Variants in ADGRV1 observed in about 807,000 individuals in gnomAD.
ADGRV1 encodes adhesion G protein-coupled receptor V1.
In ADGRV1, 359 loss-of-function variants were observed where a neutral mutation model predicts 596.2. The observed-to-expected ratio is 0.60, with a 90% CI of 0.55 to 0.66. The LOEUF (loss-of-function observed/expected upper bound fraction) is 0.66. ADGRV1 is among the 30% of genes least tolerant of loss of function. ADGRV1 has a pLI of 0.00. For synonymous variants in ADGRV1, 2,681 were observed against 2,679.2 expected (o/e 1.00, Z -0.02); for missense variants, 7,274 against 7,575.6 (o/e 0.96, Z 1.48).
intron 85 of ADGRV1, among the ~76,000 whole-genome samples, chr5:91,039,823 T>A (rs1785193137): frequency 6.6e-6 from 1 of 152,146 alleles, no homozygotes; most frequent in East Asian, 1.9e-4. Context: ...AATCAGCAGG[T>A]GTCAAGTTTT....
At chr5:90,781,669 G>T in intron 65 of ADGRV1, 91 bp downstream of exon 65, 2 of 1,205,346 alleles carry the variant, frequency 1.7e-6, no homozygotes, top group Non-Finnish European at 2.3e-6. Context: ...GTTTTAGTTT[G>T]GTGTGGGTGT....
At chr5:90,589,740 G>T (rs1235613059) in intron 1 of ADGRV1, among the ~76,000 whole-genome samples, 1 of 152,156 alleles carries the variant, frequency 6.6e-6, no homozygotes, top group Non-Finnish European at 1.5e-5. Context: ...GGTGTTAAAT[G>T]ATCTTAGTTT....
intron 1 of ADGRV1, among the ~76,000 whole-genome samples, chr5:90,581,717 A>C (rs990123303): frequency 1.3e-5 from 2 of 152,174 alleles, no homozygotes; most frequent in African/African-American, 4.8e-5. Flanking sequence ...CCACTTAAGG[A>C]GGCAGTTTGT....
intron 1 of ADGRV1, among the ~76,000 whole-genome samples, chr5:90,581,452 A>C (rs181412907): frequency 2.0e-3 from 302 of 152,210 alleles, no homozygotes; most frequent in Non-Finnish European, 3.6e-3. Flanking sequence ...TGTGGATGTC[A>C]TTTTTGTTGA....
At chr5:91,099,953 A>G (rs376554988) in intron 86 of ADGRV1, among the ~76,000 whole-genome samples, 5 of 152,210 alleles carry the variant, frequency 3.3e-5, no homozygotes, top group East Asian at 1.9e-4. Flanking sequence ...CTAGCCCCAG[A>G]TCACAGTTTC....
At chr5:90,874,878 A>C (rs141192580) in intron 83 of ADGRV1, among the ~76,000 whole-genome samples, 499 of 152,250 alleles carry the variant, frequency 3.3e-3, no homozygotes, top group African/African-American at 0.01. Context: ...AAAACAAAAA[A>C]CAACCTGGTT....
chr5:90,704,545 A>G (rs1748345960), intron 36 of ADGRV1, 57 bp downstream of exon 36: 18 of 1,050,260 alleles, frequency 1.7e-5, no homozygotes, highest in Middle Eastern at 2.6e-4. Flanking sequence ...AAAAGAAAGA[A>G]AATTGTTATC....
chr5:90,831,580 C>T (rs1199705844), intron 77 of ADGRV1, among the ~76,000 whole-genome samples: 2 of 151,988 alleles, frequency 1.3e-5, no homozygotes, highest in Admixed American at 6.6e-5. Context: ...TTCAATTATA[C>T]TTTTTTAGTT....
intron 50 of ADGRV1, among the ~76,000 whole-genome samples, chr5:90,734,708 C>T (rs948040194): frequency 2.6e-5 from 4 of 151,812 alleles, no homozygotes; most frequent in African/African-American, 9.7e-5. Context: ...GCCTCAGCCT[C>T]CCGAGTAGCT....
intron 87 of ADGRV1, among the ~76,000 whole-genome samples, chr5:91,106,178 T>C (rs1791857263): frequency 6.6e-6 from 1 of 152,118 alleles, no homozygotes; most frequent in Non-Finnish European, 1.5e-5. Flanking sequence ...TTCTTTTGCA[T>C]GTGGACATCC....
chr5:90,566,923 A>G (rs1359787401), intron 1 of ADGRV1, among the ~76,000 whole-genome samples: 1 of 152,178 alleles, frequency 6.6e-6, no homozygotes, highest in African/African-American at 2.4e-5. Context: ...TTGGTCTTTC[A>G]GCATTAAGTA....
Position 90,783,298 on chromosome 5 carries a change from A to G in ADGRV1, c.13406A>G (p.Asn4469Ser). Residue 4469 changes from asparagine to serine, a missense_variant, in exon 66 of 90, where the codon AAT (asparagine) becomes AGT (serine). By Grantham distance (46) the Asn-to-Ser change is conservative. Around this residue, in one of 5 missense-constraint regions of ADGRV1, gnomAD observed 3,643 missense variants for 3,809.2 expected, o/e 0.96. Transcript: ENST00000405460. ...CATGGGCAAAACTTAAGTTTTATAA[A>G]TATCTCCATCATTGATGACAATGAA... is the stretch of plus-strand genomic sequence containing the variant. ...FQHGQNLSFI[N>S]ISIIDDNESE... The G allele has an allele frequency of 6.2e-7, 1 of 1,612,502 alleles. No homozygotes were observed. Among genetic ancestry groups the G allele is most frequent in the Non-Finnish European group, 8.5e-7 (1 of 1,178,734 alleles).
At chr5:90,845,689 A>G (rs950156937) in intron 78 of ADGRV1, among the ~76,000 whole-genome samples, 2 of 152,136 alleles carry the variant, frequency 1.3e-5, no homozygotes, top group Admixed American at 6.5e-5. Context: ...CTAGTATAAA[A>G]GCAATCTCTA....
At chr5:90,715,405 T>C (rs1239938713) in intron 42 of ADGRV1, among the ~76,000 whole-genome samples, 4 of 152,196 alleles carry the variant, frequency 2.6e-5, no homozygotes, top group African/African-American at 4.8e-5. Flanking sequence ...TGAGAGTTGC[T>C]CTTGGGTGTT....
rs201537579 is a variant in ADGRV1 at position 90,686,162 on chromosome 5, TG to T, written c.6490+177del. On this transcript the variant is annotated intron_variant, in intron 29 of 89. Transcript: ENST00000405460. Reference sequence around the variant, plus strand: ...GGGACAAATCTAGAGTCTTTTTTTTTGGGGGGGGGGATGGAGTCTCGCTTGA... The same window carrying T: ...GGGACAAATCTAGAGTCTTTTTTTTTGGGGGGGGGATGGAGTCTCGCTTGA... 6.5e-3 allele frequency among the ~76,000 whole-genome samples: 958 copies of T among 146,488 alleles called. 8 individuals carry two copies. Among genetic ancestry groups the T allele is most frequent in the African/African-American group, 0.019 (754 of 40,512 alleles).
At chr5:91,047,846 A>G (rs1785963905) in intron 85 of ADGRV1, among the ~76,000 whole-genome samples, 1 of 152,200 alleles carries the variant, frequency 6.6e-6, no homozygotes, top group Non-Finnish European at 1.5e-5. Context: ...ACCTTAGAAA[A>G]CTTCTTGAAA....
At chr5:91,121,309 C>T (rs1793296439) in intron 87 of ADGRV1, among the ~76,000 whole-genome samples, 1 of 152,088 alleles carries the variant, frequency 6.6e-6, no homozygotes, top group East Asian at 1.9e-4. Context: ...ATGGGAGATG[C>T]TCATTGCTCC....
At chr5:91,094,083 C>T (rs1582036748) in intron 86 of ADGRV1, among the ~76,000 whole-genome samples, 1 of 151,888 alleles carries the variant, frequency 6.6e-6, no homozygotes, top group Non-Finnish European at 1.5e-5. Context: ...AGCTCCTGGC[C>T]TCCAGTGATC....
chr5:91,152,089 G>C (rs2126906586), intron 88 of ADGRV1, among the ~76,000 whole-genome samples: 2 of 152,316 alleles, frequency 1.3e-5, no homozygotes, highest in East Asian at 3.9e-4. Flanking sequence ...GTGCTCACTT[G>C]GGTGTTGTGC....
Sources: gnomAD v4.1 joint callset for allele counts (sites outside exome capture counted in the v4.1 genomes callset) on GRCh38, gnomAD v4.1.1 for gene constraint, gnomAD v4.1.1 regional missense constraint, MANE v1.5 for transcripts, NCBI Gene and HGNC (gene_info 2026-07-23, HGNC 2026-07-21) for gene names.